Variants in TMEM168 observed in about 807,000 individuals in gnomAD.
TMEM168 encodes the protein transmembrane protein 168.
Under a neutral mutation model 53.2 loss-of-function variants are expected in TMEM168, and 40 were observed. That is an observed-to-expected ratio of 0.75 (90% CI 0.58 to 0.98). The LOEUF (loss-of-function observed/expected upper bound fraction) is 0.98. TMEM168 is among the 50% of genes least tolerant of loss of function. The pLI, the probability that TMEM168 is intolerant of heterozygous loss-of-function variation, is 0.00. For missense variants in TMEM168, 771 were observed against 828.8 expected (o/e 0.93, Z 0.86); for synonymous variants, 282 against 293.0 (o/e 0.96, Z 0.38).
chr7:112,767,313 G>C lies in TMEM168; in HGVS notation c.1978C>G (p.Leu660Val), dbSNP rs764878135. Reference sequence around the variant, plus strand: ...GTTTTGCAGATCCAAAAAAGGTTCAGACCGCATAACCAATTTGCCAAATGC... The same window carrying C: ...GTTTTGCAGATCCAAAAAAGGTTCACACCGCATAACCAATTTGCCAAATGC... ...LVHLANWLCG[L>V]NLFWICKTCF... The change falls in exon 5 of 5, where the codon CTG (leucine) becomes GTG (valine). Residue 660 changes from leucine to valine, a missense_variant. Transcript: ENST00000312814. The C allele has an allele frequency of 6.2e-7, 1 of 1,614,150 alleles. No homozygotes were observed. Among genetic ancestry groups the C allele is most frequent in the East Asian group, 2.2e-5 (1 of 44,882 alleles).
At position 112,770,141 on chromosome 7, in the gene TMEM168, A is replaced by T. The variant is rs532408657; in HGVS notation, c.1547-2397T>A. On this transcript the variant is annotated intron_variant, in intron 4 of 4. Transcript: ENST00000312814. Reference sequence around the variant, plus strand: ...GATGAAAGTATTTTCCTCAGAGCAGAGATATTCAATACTATTTGTGAGGCA... The same window carrying T: ...GATGAAAGTATTTTCCTCAGAGCAGTGATATTCAATACTATTTGTGAGGCA... Among the ~76,000 whole-genome samples, 5 of 152,350 alleles carry T rather than the reference A, an allele frequency of 3.3e-5. No individual in the cohort carries two copies. The South Asian group carries it at 1.0e-3, about 32-fold the overall frequency.
rs370914876 is a variant in TMEM168, at chr7:112,784,703, T to A, written c.123A>T (p.Arg41Ser). 1 of 1,614,020 alleles carries A rather than the reference T, an allele frequency of 6.2e-7. No homozygotes were observed. Residue 41 changes from arginine to serine, a missense_variant, in exon 2 of 5, where the codon AGA (arginine) becomes AGT (serine). Arg to Ser is a moderately radical substitution (Grantham distance 110). Transcript: ENST00000312814. ...SSVRYLGYLA[R>S]INLLVAICLG... ...AGCATATAGCAACCAATAAATTGAT[T>A]CTGGCTAAATAGCCAAGATACCGCA... is the stretch of plus-strand genomic sequence containing the variant.
At chr7:112,769,389 T>C (rs1344870220) in intron 4 of TMEM168, among the ~76,000 whole-genome samples, 2 of 152,192 alleles carry the variant, frequency 1.3e-5, no homozygotes, top group African/African-American at 4.8e-5. Context: ...GTCAGCTCTA[T>C]TAAATTTCTC....
chr7:112,788,357 A>T (rs1202939101), intron 1 of TMEM168: 1 of 152,244 alleles, frequency 6.6e-6, no homozygotes, highest in Non-Finnish European at 1.5e-5. Context: ...CTGCACTGTT[A>T]ACAGAGGTAA....
intron 4 of TMEM168, 52 bp downstream of exon 4, chr7:112,772,729 T>C: frequency 6.4e-7 from 1 of 1,564,168 alleles, no homozygotes; most frequent in Non-Finnish European, 8.7e-7. Flanking sequence ...TACAGATTTC[T>C]ACATATACAT....
rs868187122 is a variant in TMEM168 at position 112,790,270 on chromosome 7, G to C, written c.-239C>G. ...GCTTCAGCCTGCGACTGAGAACAGG[G>C]AGGCGGCACGCCTTGGGGAACGAGG... On this transcript the variant is annotated 5_prime_UTR_variant, in exon 1 of 5. Transcript: ENST00000312814. 2.6e-5 allele frequency: 4 copies of C among 152,596 alleles called. No homozygotes were observed. The highest frequency in any genetic ancestry group is 9.6e-5 in the African/African-American group (4 of 41,488). The allele number at this position is 152,596 out of a possible 1,614,324, so 9.5% of individuals were successfully genotyped here. A position where few individuals can be genotyped will look rare whatever the true frequency, so the allele number is the denominator to read the frequency against.
intron 4 of TMEM168, among the ~76,000 whole-genome samples, chr7:112,770,675 A>C (rs2116231230): frequency 6.6e-6 from 1 of 152,306 alleles, no homozygotes; most frequent in East Asian, 1.9e-4. Context: ...TATAAGTATT[A>C]GTAAATGAAC....
At chr7:112,782,271 C>CAT (rs1367051014) in intron 2 of TMEM168, among the ~76,000 whole-genome samples, 1 of 152,134 alleles carries the variant, frequency 6.6e-6, no homozygotes, top group Non-Finnish European at 1.5e-5. Context: ...TCTCTGCTGA[C>CAT]AGACTCCTTG....
rs531214757 is a variant in TMEM168 at position 112,775,250 on chromosome 7, G to A, written c.1197C>T (p.Leu399=). 28 of 1,613,608 alleles carry A rather than the reference G, an allele frequency of 1.7e-5. No individual in the cohort carries two copies. In the African/African-American group the frequency reaches 3.5e-4, roughly 20 times the overall value. Residue 399 remains leucine (L), a synonymous_variant, in exon 3 of 5, where the codon CTC becomes CTT. Coordinates refer to ENST00000312814, the MANE Select transcript of TMEM168 (RefSeq NM_022484.6). ...CTAAACAGTTACCCAATTCATGGAAGAGCCCATGAGCCATGGATTCCAATG... is the reference window on the plus strand; with the variant it reads ...CTAAACAGTTACCCAATTCATGGAAAAGCCCATGAGCCATGGATTCCAATG... ...VLPLESMAHG[L]FHELGNCLGG...
Position 112,775,202 on chromosome 7 carries a change from A to C in TMEM168, c.1245T>G (p.Ala415=). 6.2e-7 allele frequency: 1 copy of C among 1,612,160 alleles called. No homozygotes were observed. The change falls in exon 3 of 5, where the codon GCT becomes GCG. Residue 415 remains alanine, a synonymous_variant. Coordinates refer to ENST00000312814, the MANE Select transcript of TMEM168 (RefSeq NM_022484.6). ...NCLGGTSVGY[A]IVIPTNFCSP... is the part of the protein sequence containing the mutation. ...TGCAGAAGTTGGTGGGAATCACAATAGCATATCCAACAGATGTTCCTCCTA... is the reference window on the plus strand; with the variant it reads ...TGCAGAAGTTGGTGGGAATCACAATCGCATATCCAACAGATGTTCCTCCTA...
intron 2 of TMEM168, among the ~76,000 whole-genome samples, chr7:112,783,314 A>T (rs1793279786): frequency 6.6e-6 from 1 of 152,238 alleles, no homozygotes; most frequent in African/African-American, 2.4e-5. Context: ...TGTTCCTGCT[A>T]GTACTAGTGA....
intron 4 of TMEM168, among the ~76,000 whole-genome samples, chr7:112,769,568 GC>G (rs554656127): frequency 1.7e-4 from 26 of 152,114 alleles, no homozygotes; most frequent in Non-Finnish European, 3.1e-4. Context: ...GAGACCTAAA[GC>G]AGCATTAAAG....
At chr7:112,787,936 TGGTCA>T (rs1438234006) in intron 1 of TMEM168, among the ~76,000 whole-genome samples, 1 of 151,808 alleles carries the variant, frequency 6.6e-6, no homozygotes, top group East Asian at 1.9e-4. Context: ...TTCTCCATGT[TGGTCA>T]GGCTGGTCTT....
At chr7:112,777,886 C>CTGTGTGTGTGTGTGTGTG (rs71155068) in intron 2 of TMEM168, among the ~76,000 whole-genome samples, 1 of 126,064 alleles carries the variant, frequency 7.9e-6, no homozygotes. Context: ...GCTCTTGGTG[C>CTGTGTGTGTGTGTGTGTG]TGTGTGTGTG....
In TMEM168 at chr7:112,764,426, A is replaced by G. The variant is rs116606735; in HGVS notation, c.*2771T>C. ...GTCTCATTGTCAGATCTATTTTTCAATCTTTAGGTGAAAGTAACCAATCAC... is the reference window on the plus strand; with the variant it reads ...GTCTCATTGTCAGATCTATTTTTCAGTCTTTAGGTGAAAGTAACCAATCAC... On this transcript the variant is annotated 3_prime_UTR_variant, in exon 5 of 5. Coordinates refer to ENST00000312814, the MANE Select transcript of TMEM168 (RefSeq NM_022484.6). The G allele has an allele frequency of 1.4e-3, 220 of 152,106 alleles. 1 individual carries two copies. Among genetic ancestry groups the G allele is most frequent in the African/African-American group, 5.1e-3 (210 of 41,534 alleles). The allele number at this position is 152,106 out of a possible 1,614,324, so 9.4% of individuals were successfully genotyped here. A position where few individuals can be genotyped will look rare whatever the true frequency, so the allele number is the denominator to read the frequency against.
At chr7:112,772,704 C>T (rs1256743995) in intron 4 of TMEM168, 77 bp downstream of exon 4, 23 of 1,496,296 alleles carry the variant, frequency 1.5e-5, no homozygotes, top group African/African-American at 2.8e-5. Flanking sequence ...GGAAATTTAA[C>T]GACTGTGTGT....
chr7:112,789,480 G>A (rs1250414553), intron 1 of TMEM168, among the ~76,000 whole-genome samples: 1 of 152,210 alleles, frequency 6.6e-6, no homozygotes, highest in Admixed American at 6.5e-5. Context: ...TGCCTAAAGA[G>A]AATACAGAAC....
rs1793340781 is a variant in TMEM168, at chr7:112,784,950, T to A, written c.-125A>T. 1 of 783,570 alleles carries A rather than the reference T, an allele frequency of 1.3e-6. No homozygotes were observed. Among genetic ancestry groups the A allele is most frequent in the South Asian group, 3.7e-5 (1 of 27,386 alleles). 48.5% of individuals were successfully genotyped at this position (783,570 alleles called of 1,614,324 possible). On this transcript the variant is annotated 5_prime_UTR_variant, in exon 2 of 5. Coordinates refer to ENST00000312814, the MANE Select transcript of TMEM168 (RefSeq NM_022484.6). The stretch of plus-strand genomic sequence containing the variant: ...TCTCTTGTGGAAATTTTGTTTATAG[T>A]GATCTAAAAAGAAGAAAACAATATT...
intron 2 of TMEM168, among the ~76,000 whole-genome samples, chr7:112,775,616 AAAAC>A (rs1054538692): frequency 1.3e-5 from 2 of 151,224 alleles, no homozygotes; most frequent in Middle Eastern, 3.4e-3. Context: ...AAAAAAAAAC[AAAAC>A]AAACCAAAAC....
Sources: allele counts gnomAD v4.1 joint callset (sites outside exome capture counted in the v4.1 genomes callset), GRCh38; gene constraint gnomAD v4.1.1; transcripts MANE v1.5; gene names NCBI Gene and HGNC (gene_info 2026-07-23, HGNC 2026-07-21).